The following NME7 variants were observed in gnomAD, a reference collection of about 807,000 sequenced individuals.
NME7 encodes NME/NM23 family member 7, also known as nucleoside diphosphate kinase 7.
A neutral mutation model predicts 49.1 loss-of-function variants in NME7; 41 were observed. That is an observed-to-expected ratio of 0.83 (90% CI 0.65 to 1.08). The LOEUF is 1.08. Among genes scored for constraint, NME7 ranks in the 50% least tolerant of loss-of-function variants. The probability of loss-of-function intolerance (pLI) is 0.00; values close to 1 mark genes in which losing one functional copy is unlikely to be tolerated. For synonymous variants in NME7, 139 were observed against 150.6 expected (o/e 0.92, Z 0.56); for missense variants, 423 against 463.4 (o/e 0.91, Z 0.80).
At chr1:169,308,307 T>C (rs1057443639) in intron 4 of NME7, among the ~76,000 whole-genome samples, 5 of 152,182 alleles carry the variant, frequency 3.3e-5, no homozygotes, top group African/African-American at 1.2e-4. Context: ...TGCTCCCCAT[T>C]GTCCCTGCTC....
chr1:169,337,946 TCA>T (rs1446082941), intron 1 of NME7, among the ~76,000 whole-genome samples: 2 of 152,332 alleles, frequency 1.3e-5, no homozygotes, highest in African/African-American at 2.4e-5. Flanking sequence ...TCCAGGTTGT[TCA>T]CAGAGACCTA....
At chr1:169,363,086 A>T (rs979745830) in intron 1 of NME7, among the ~76,000 whole-genome samples, 5 of 151,632 alleles carry the variant, frequency 3.3e-5, no homozygotes, top group African/African-American at 1.2e-4. Context: ...AAAAAAAAAA[A>T]AAATTAGCTG....
intron 8 of NME7, among the ~76,000 whole-genome samples, chr1:169,236,319 C>G (rs1471723602): frequency 6.6e-6 from 1 of 152,118 alleles, no homozygotes; most frequent in Admixed American, 6.6e-5. Context: ...TGACATTTGG[C>G]CAAGGCCACA....
chr1:169,191,421 G>A (rs913233869), intron 10 of NME7, among the ~76,000 whole-genome samples: 4 of 152,176 alleles, frequency 2.6e-5, no homozygotes, highest in South Asian at 2.1e-4. Context: ...GAGGATATGC[G>A]TAATTCTTGA....
chr1:169,161,451 T>G (rs1200940498), intron 11 of NME7, among the ~76,000 whole-genome samples: 1 of 152,228 alleles, frequency 6.6e-6, no homozygotes, highest in East Asian at 1.9e-4. Flanking sequence ...TTAGTCACCA[T>G]GCACCTATGT....
intron 3 of NME7, among the ~76,000 whole-genome samples, chr1:169,321,948 A>T (rs369453252): frequency 6.6e-6 from 1 of 151,820 alleles, no homozygotes; most frequent in Admixed American, 6.6e-5. Flanking sequence ...GGAAAAAAAA[A>T]CTCCCCAAAC....
Position 169,266,360 on chromosome 1 carries a change from A to T in NME7, c.754+20943T>A, listed in dbSNP as rs917005841. Reference sequence around the variant, plus strand: ...TCACATAAACAGAACTAAAGACAGGAACCACAGATGCAGAAAAAGCCTTTG... The same window carrying T: ...TCACATAAACAGAACTAAAGACAGGTACCACAGATGCAGAAAAAGCCTTTG... On this transcript the variant is annotated intron_variant, in intron 7 of 11. Transcript: ENST00000367811. 6.1e-5 allele frequency among the ~76,000 whole-genome samples: 8 copies of T among 131,940 alleles called. 2 individuals are homozygous for T. The highest frequency in any genetic ancestry group is 2.0e-4 in the African/African-American group (8 of 39,420). 86.6% of individuals were successfully genotyped at this position (131,940 alleles called of 152,430 possible). A position where few individuals can be genotyped will look rare whatever the true frequency, so the allele number is the denominator to read the frequency against.
intron 7 of NME7, among the ~76,000 whole-genome samples, chr1:169,279,685 C>G (rs1649920434): frequency 6.6e-6 from 1 of 152,162 alleles, no homozygotes; most frequent in Non-Finnish European, 1.5e-5. Context: ...GCATGATGCG[C>G]TGCACCCACT....
chr1:169,185,059 C>T (rs753371210), intron 10 of NME7, among the ~76,000 whole-genome samples: 2 of 152,096 alleles, frequency 1.3e-5, no homozygotes, highest in Non-Finnish European at 1.5e-5. Flanking sequence ...ACCCATGCAA[C>T]GTTTCACAGG....
chr1:169,224,460 T>C (rs1453134258), intron 10 of NME7, among the ~76,000 whole-genome samples: 1 of 152,178 alleles, frequency 6.6e-6, no homozygotes, highest in African/African-American at 2.4e-5. Flanking sequence ...TGCTCTCTTC[T>C]TCTGAGATTT....
chr1:169,214,147 A>T (rs10800418), intron 10 of NME7, among the ~76,000 whole-genome samples: 1,986 of 152,184 alleles, frequency 0.013, 43 homozygotes, highest in African/African-American at 0.043. Flanking sequence ...AGAATGAGAA[A>T]GTGCTCTTCA....
Position 169,350,131 on chromosome 1 carries a change from G to T in NME7, c.3+17577C>A, listed in dbSNP as rs184305919. On this transcript the variant is annotated intron_variant, in intron 1 of 11. Transcript: ENST00000367811. ...CACTTGAACCTGGAAGGTGGAGGTT[G>T]CAGTGACCCAAGATCGTGCCAAGAA... Among the ~76,000 whole-genome samples the T allele has an allele frequency of 2.2e-3, 331 of 151,668 alleles. 2 individuals carry two copies. Among genetic ancestry groups the T allele is most frequent in the Middle Eastern group, 0.01 (3 of 294 alleles).
At chr1:169,150,896 C>T (rs1259977800) in intron 11 of NME7, among the ~76,000 whole-genome samples, 3 of 152,134 alleles carry the variant, frequency 2.0e-5, no homozygotes, top group African/African-American at 7.2e-5. Flanking sequence ...AGAATAAAAG[C>T]CTTTTCCCCG....
intron 1 of NME7, among the ~76,000 whole-genome samples, chr1:169,334,111 C>G (rs1372056176): frequency 6.6e-6 from 1 of 152,122 alleles, no homozygotes; most frequent in Non-Finnish European, 1.5e-5. Flanking sequence ...CTTAAACTAA[C>G]TAGAAGTCTT....
rs541495310 is a variant in NME7, at chr1:169,254,958, T to C, written c.755-17271A>G. 8.2e-5 allele frequency among the ~76,000 whole-genome samples: 11 copies of C among 133,772 alleles called. 1 individual carries two copies. Among genetic ancestry groups the C allele is most frequent in the African/African-American group, 2.3e-4 (9 of 39,184 alleles). The allele number at this position is 133,772 out of a possible 152,430, so 87.8% of individuals were successfully genotyped here. On this transcript the variant is annotated intron_variant, in intron 7 of 11. Transcript: ENST00000367811. ...TTGTTATAATTTCTGTTCTTTTACA[T>C]TTGCTGAGGAGAGCTTTACTTCCAA... is the stretch of plus-strand genomic sequence containing the variant.
intron 3 of NME7, among the ~76,000 whole-genome samples, chr1:169,321,749 A>G (rs999128657): frequency 3.3e-5 from 5 of 152,184 alleles, no homozygotes; most frequent in South Asian, 2.1e-4. Flanking sequence ...ACAGAAAGAG[A>G]TATCATATTA....
At chr1:169,168,554 C>G (rs1037448881) in intron 11 of NME7, among the ~76,000 whole-genome samples, 6 of 152,288 alleles carry the variant, frequency 3.9e-5, no homozygotes, top group African/African-American at 1.4e-4. Context: ...ACTTAAGCCT[C>G]CCAAGTTGCT....
chr1:169,189,659 G>C (rs1321499094), intron 10 of NME7, among the ~76,000 whole-genome samples: 2 of 152,192 alleles, frequency 1.3e-5, no homozygotes, highest in South Asian at 2.1e-4. Context: ...GCCTGACTCT[G>C]AGTACACTAT....
intron 10 of NME7, among the ~76,000 whole-genome samples, chr1:169,173,246 G>C (rs1659655466): frequency 6.6e-6 from 1 of 151,954 alleles, no homozygotes; most frequent in African/African-American, 2.4e-5. Context: ...GAGACAGAAA[G>C]GTATGTTTTG....
Sources: allele counts gnomAD v4.1 joint callset (sites outside exome capture counted in the v4.1 genomes callset), GRCh38; gene constraint gnomAD v4.1.1; transcripts MANE v1.5; gene names NCBI Gene and HGNC (gene_info 2026-07-23, HGNC 2026-07-21).